Variants in CFAP92 observed in about 807,000 individuals in gnomAD.
The protein encoded by CFAP92 is cilia and flagella associated protein 92 (putative), also known as uncharacterized protein CFAP92.
CFAP92 carries 86 observed loss-of-function variants against 106.3 expected under a neutral mutation model. That is an observed-to-expected ratio of 0.81 (90% CI 0.68 to 0.97). The LOEUF is 0.97. CFAP92 is among the 50% of genes least tolerant of loss of function. CFAP92 has a pLI of 0.00. For missense variants in CFAP92, 1,204 were observed against 1,283.8 expected, an observed-to-expected ratio of 0.94 and a Z score of 0.95; for synonymous variants, 477 against 506.4, an observed-to-expected ratio of 0.94 and a Z score of 0.78.
At chr3:128,969,342 T>A (rs1023649986) in intron 8 of CFAP92, 2 of 152,196 alleles carry the variant, frequency 1.3e-5, no homozygotes, top group African/African-American at 4.8e-5. Context: ...CACACGGACA[T>A]GTAAGACAAT....
chr3:128,957,132 C>T (rs545475576), intron 9 of CFAP92, among the ~76,000 whole-genome samples: 9 of 151,946 alleles, frequency 5.9e-5, no homozygotes, highest in East Asian at 1.9e-4. Context: ...AGAAGAAAGG[C>T]GAAAGGAAGT....
At chr3:129,003,980 A>G, upstream of CFAP92, 1 of 1,491,502 alleles carries the variant, frequency 6.7e-7, no homozygotes, top group Non-Finnish European at 8.9e-7. Context: ...GGTGCTGCGC[A>G]GCCTGCACCG....
intron 12 of CFAP92, among the ~76,000 whole-genome samples, chr3:128,928,814 T>C (rs1937999582): frequency 6.6e-6 from 1 of 152,156 alleles, no homozygotes; most frequent in African/African-American, 2.4e-5. Flanking sequence ...AGAACTTTTA[T>C]ACTTCAAAAT....
chr3:128,922,976 CATT>C (rs1209200202), intron 12 of CFAP92, among the ~76,000 whole-genome samples: 6 of 152,236 alleles, frequency 3.9e-5, no homozygotes, highest in Admixed American at 6.5e-5. Context: ...GCCTGCTTCT[CATT>C]ATCAGTGGAA....
At chr3:128,925,674 A>G (rs1337999711) in intron 12 of CFAP92, among the ~76,000 whole-genome samples, 2 of 152,200 alleles carry the variant, frequency 1.3e-5, no homozygotes, top group Non-Finnish European at 2.9e-5. Context: ...TTAAAACTTA[A>G]AAAAAATCAA....
chr3:129,001,833 C>T (rs1216369669), intron 1 of CFAP92: 16 of 1,545,564 alleles, frequency 1.0e-5, no homozygotes, highest in Non-Finnish European at 1.4e-5. Context: ...CCTGGACTGC[C>T]GCGGCGCCGG....
At chr3:128,935,826 CA>C (rs1938953385) in intron 10 of CFAP92, among the ~76,000 whole-genome samples, 2 of 151,996 alleles carry the variant, frequency 1.3e-5, no homozygotes, top group Admixed American at 1.3e-4. Context: ...CTCAAAACAA[CA>C]AAAGACAAGG....
chr3:128,947,230 G>GAAA (rs1210531854), intron 9 of CFAP92, among the ~76,000 whole-genome samples: 1 of 138,766 alleles, frequency 7.2e-6, no homozygotes, highest in African/African-American at 2.6e-5. Context: ...AAGCACTGAT[G>GAAA]AAAAAAAAAA....
At chr3:128,931,617 T>C (rs1938403886) in intron 12 of CFAP92, among the ~76,000 whole-genome samples, 1 of 151,596 alleles carries the variant, frequency 6.6e-6, no homozygotes, top group Non-Finnish European at 1.5e-5. Context: ...GTGTAAGTTT[T>C]AAAGTATCAT....
At chr3:129,010,826 C>T in the CFAP92 span, among the ~76,000 whole-genome samples, 40 of 152,284 alleles carry the variant, frequency 2.6e-4, no homozygotes, top group Non-Finnish European at 4.1e-4. The surrounding 1 kb of genome is among the most constrained non-coding windows in gnomAD (Gnocchi z 4.3). Context: ...TACTCAGGCT[C>T]ACAAAGAGGC....
intron 7 of CFAP92, among the ~76,000 whole-genome samples, 181 bp downstream of exon 7, chr3:128,975,594 GTGGA>G (rs754699585): frequency 3.3e-5 from 5 of 151,986 alleles, no homozygotes; most frequent in Admixed American, 2.6e-4. Flanking sequence ...ATGGGGATGG[GTGGA>G]TGGATGGATA....
At chr3:128,931,912 G>GGAGGCCGAGGTGGGAGGACTGCTT (rs1458469094) in intron 12 of CFAP92, among the ~76,000 whole-genome samples, 2 of 152,134 alleles carry the variant, frequency 1.3e-5, no homozygotes, top group Non-Finnish European at 2.9e-5. Context: ...TGCCTACTCA[G>GGAGGCCGAGGTGGGAGGACTGCTT]GAGGCCGAGG....
At chr3:128,948,377 CTTTTTTTTTT>C (rs4040748) in intron 9 of CFAP92, among the ~76,000 whole-genome samples, 70 of 79,774 alleles carry the variant, frequency 8.8e-4, no homozygotes, top group African/African-American at 1.9e-3. Context: ...CTTTTCTTTC[CTTTTTTTTTT>C]TTTTTTTTTT....
the CFAP92 span, among the ~76,000 whole-genome samples, chr3:129,015,435 G>C: frequency 6.6e-6 from 1 of 152,086 alleles, no homozygotes; most frequent in South Asian, 2.1e-4. Flanking sequence ...GGGAGGTTGC[G>C]GGGTAAGCTC....
chr3:128,913,451 C>T (rs1327812417), intron 15 of CFAP92, among the ~76,000 whole-genome samples: 1 of 152,158 alleles, frequency 6.6e-6, no homozygotes, highest in Non-Finnish European at 1.5e-5. Flanking sequence ...ATTTCTCCAG[C>T]CTCCCTTCTG....
intron 9 of CFAP92, among the ~76,000 whole-genome samples, chr3:128,963,632 T>C (rs1162561869): frequency 1.3e-5 from 2 of 150,656 alleles, no homozygotes; most frequent in East Asian, 1.9e-4. Flanking sequence ...CCATATTTCC[T>C]TCTTTCCTGT....
upstream of CFAP92, among the ~76,000 whole-genome samples, chr3:129,007,457 CAG>C (rs536929610): frequency 6.3e-4 from 96 of 152,292 alleles, no homozygotes; most frequent in African/African-American, 2.2e-3. Flanking sequence ...GGGGAGAAAA[CAG>C]AGCAATGACT....
At chr3:128,948,421 A>G (rs566976451) in intron 9 of CFAP92, among the ~76,000 whole-genome samples, 61 of 89,002 alleles carry the variant, frequency 6.9e-4, no homozygotes, top group Admixed American at 1.3e-3. Context: ...ACAGAGTTTT[A>G]CCATGTTGCC....
At chr3:129,026,489 C>A in the CFAP92 span, among the ~76,000 whole-genome samples, 1 of 152,318 alleles carries the variant, frequency 6.6e-6, no homozygotes, top group Admixed American at 6.5e-5. Context: ...CCAAGAAGCT[C>A]ACTGCCTTCC....
Sources: gnomAD v4.1 joint callset for allele counts (sites outside exome capture counted in the v4.1 genomes callset) on GRCh38, gnomAD v4.1.1 for gene constraint, Gnocchi (gnomAD v3.1) non-coding constraint, MANE v1.5 for transcripts, NCBI Gene and HGNC (gene_info 2026-07-23, HGNC 2026-07-21) for gene names.